CDH2: variants seen among roughly 807,000 people sequenced by gnomAD.
The protein encoded by CDH2 is cadherin 2, also known as cadherin-2.
CDH2 carries 17 observed loss-of-function variants against 92.0 expected under a neutral mutation model. The ratio of observed to expected loss-of-function variants is 0.18; its 90% confidence interval spans 0.13 to 0.28. CDH2 has a LOEUF of 0.28. Ranked by LOEUF, CDH2 falls within the 10% of genes least tolerant of loss-of-function variation. The pLI, the probability that CDH2 is intolerant of heterozygous loss-of-function variation, is 1.00. For synonymous variants in CDH2, 419 were observed against 415.9 expected (o/e 1.01, Z -0.09); for missense variants, 862 against 1,133.1 (o/e 0.76, Z 3.44).
chr18:28,026,069 T>G (rs2013545930), intron 2 of CDH2, among the ~76,000 whole-genome samples: 3 of 152,158 alleles, frequency 2.0e-5, no homozygotes, highest in Admixed American at 2.0e-4. Context: ...TATGAAAAGC[T>G]AGAAACCAGA....
chr18:28,074,139 C>A (rs2014673749), intron 2 of CDH2, among the ~76,000 whole-genome samples: 1 of 151,930 alleles, frequency 6.6e-6, no homozygotes, highest in African/African-American at 2.4e-5. Flanking sequence ...TTTACATGAA[C>A]AAAGAGGTAC....
intron 2 of CDH2, among the ~76,000 whole-genome samples, chr18:28,108,751 G>C (rs542036052): frequency 6.6e-6 from 1 of 150,908 alleles, no homozygotes; most frequent in South Asian, 2.1e-4. Flanking sequence ...TGTAAACTGT[G>C]CTTTGCAAAA....
chr18:28,173,451 T>A (rs905018391), intron 1 of CDH2, among the ~76,000 whole-genome samples: 1 of 152,174 alleles, frequency 6.6e-6, no homozygotes, highest in South Asian at 2.1e-4. Context: ...ATACTGAGAA[T>A]AAACACGATT....
chr18:27,992,584 A>G (rs2012451683), intron 9 of CDH2, 71 bp downstream of exon 9: 1 of 1,265,552 alleles, frequency 7.9e-7, no homozygotes, highest in African/African-American at 1.5e-5. Flanking sequence ...TTGCAAAACA[A>G]TGAGTGGGGG....
At chr18:28,172,076 GGTGTGTGTGTGT>G (rs34158369) in intron 1 of CDH2, among the ~76,000 whole-genome samples, 2 of 146,488 alleles carry the variant, frequency 1.4e-5, no homozygotes, top group Admixed American at 1.4e-4. Context: ...ATACATTTGG[GGTGTGTGTGTGT>G]GTGTGTGTGT....
chr18:28,177,100 G>A lies in CDH2; in HGVS notation c.-78C>T. On this transcript the variant is annotated 5_prime_UTR_variant, in exon 1 of 16. Coordinates refer to ENST00000269141, the MANE Select transcript of CDH2 (RefSeq NM_001792.5). ...CGGCGGCGGAGGAGGAGGAGGCAGC[G>A]GCAGCACCAACAGCGGCGCGGAGAA... 7.9e-6 allele frequency: 9 copies of A among 1,134,174 alleles called. No homozygotes were observed. In the South Asian group the frequency reaches 1.0e-4, roughly 13 times the overall value. The allele number at this position is 1,134,174 out of a possible 1,614,324, so 70.3% of individuals were successfully genotyped here. A position where few individuals can be genotyped will look rare whatever the true frequency, so the allele number is the denominator to read the frequency against.
chr18:27,990,863 T>C lies in CDH2; in HGVS notation c.1345-513A>G, dbSNP rs149981227. On this transcript the variant is annotated intron_variant, in intron 9 of 15. Coordinates refer to ENST00000269141, the MANE Select transcript of CDH2 (RefSeq NM_001792.5). The stretch of plus-strand genomic sequence containing the variant: ...TTGATTTAAAAGTACCTTTCATAAT[T>C]TGAAGTACACATTTTGCAGTACAAA... Among the ~76,000 whole-genome samples, 278 of 152,284 alleles carry C rather than the reference T, an allele frequency of 1.8e-3. 1 individual carries two copies. The highest frequency in any genetic ancestry group is 6.4e-3 in the African/African-American group (267 of 41,566).
At chr18:28,132,236 C>T (rs563808736) in intron 2 of CDH2, among the ~76,000 whole-genome samples, 3 of 152,320 alleles carry the variant, frequency 2.0e-5, no homozygotes, top group Admixed American at 6.5e-5. Context: ...ACTCACTGCA[C>T]GGAACAGAAA....
chr18:28,154,388 G>C (rs1014687001), intron 1 of CDH2, among the ~76,000 whole-genome samples: 4 of 152,216 alleles, frequency 2.6e-5, no homozygotes, highest in Non-Finnish European at 5.9e-5. Flanking sequence ...CTCATTTAGT[G>C]CCGCTCTGTG....
Position 28,098,258 on chromosome 18 carries a change from T to C in CDH2, c.172+49415A>G, listed in dbSNP as rs151291311. On this transcript the variant is annotated intron_variant, in intron 2 of 15. Coordinates refer to ENST00000269141, the MANE Select transcript of CDH2 (RefSeq NM_001792.5). ...GAAAAATAACTTAAAATATATCATT[T>C]AGGAAAAATGCATTAAAGAGGAAAC... Among the ~76,000 whole-genome samples the C allele has an allele frequency of 2.7e-3, 409 of 152,304 alleles. 3 individuals are homozygous for C. Among genetic ancestry groups the C allele is most frequent in the African/African-American group, 9.5e-3 (394 of 41,572 alleles).
intron 2 of CDH2, among the ~76,000 whole-genome samples, chr18:28,016,383 C>G (rs907039164): frequency 2.6e-5 from 4 of 152,118 alleles, no homozygotes; most frequent in Non-Finnish European, 5.9e-5. Flanking sequence ...AAGTAGGAAA[C>G]AGATGGGAAC....
chr18:28,108,008 CTG>C (rs2015350925), intron 2 of CDH2, among the ~76,000 whole-genome samples: 1 of 152,198 alleles, frequency 6.6e-6, no homozygotes, highest in Non-Finnish European at 1.5e-5. Context: ...ATCTTCCCCT[CTG>C]TTACAAATTA....
chr18:28,110,472 G>A (rs1347750647), intron 2 of CDH2, among the ~76,000 whole-genome samples: 3 of 152,094 alleles, frequency 2.0e-5, no homozygotes, highest in Admixed American at 6.6e-5. Flanking sequence ...AGTTGACTGC[G>A]GCCAAATGCA....
chr18:27,997,511 A>G lies in CDH2; in HGVS notation c.1021-3874T>C, dbSNP rs570766147. Among the ~76,000 whole-genome samples the G allele has an allele frequency of 5.9e-5, 9 of 152,330 alleles. No homozygotes were observed. In the South Asian group the frequency reaches 1.9e-3, roughly 32 times the overall value. ...GCATACCAACTATCAGGTTGGTGCA[A>G]AAGTAACTGCAGTTTTTGCCATTAC... On this transcript the variant is annotated intron_variant, in intron 7 of 15. Coordinates refer to ENST00000269141, the MANE Select transcript of CDH2 (RefSeq NM_001792.5).
intron 2 of CDH2, among the ~76,000 whole-genome samples, chr18:28,075,585 T>A (rs564955283): frequency 3.9e-5 from 6 of 152,274 alleles, no homozygotes; most frequent in African/African-American, 1.4e-4. Context: ...GTCATCTAAT[T>A]TTCCAAGCGA....
At chr18:27,990,416 C>T in intron 9 of CDH2, 66 bp from the exon 10 acceptor site, 1 of 1,435,636 alleles carries the variant, frequency 7.0e-7, no homozygotes, top group Non-Finnish European at 9.4e-7. Context: ...GTAGTTTATT[C>T]CTCTATCAAC....
chr18:27,940,258 G>A (rs1375242431), intron 6 of CDH2, among the ~76,000 whole-genome samples: 1 of 152,160 alleles, frequency 6.6e-6, no homozygotes, highest in African/African-American at 2.4e-5. Context: ...TAAATCAGAT[G>A]AGACCCCAAC....
Position 27,982,997 on chromosome 18 carries a change from C to A in CDH2, c.2296G>T (p.Val766Leu). 6.2e-7 allele frequency: 1 copy of A among 1,608,976 alleles called. No individual in the cohort carries two copies. ...TCATATTTTAAAATATTATCTCTTA[C>A]ATCATCTTCTGGATCAATTAAAAGT... The part of the protein sequence containing the change: ...KQLLIDPEDD[V>L]RDNILKYDEE... Residue 766 changes from valine (V) to leucine (L), a missense_variant, in exon 14 of 16, where the codon GTA (valine) becomes TTA (leucine). Coordinates refer to ENST00000269141, the MANE Select transcript of CDH2 (RefSeq NM_001792.5).
At chr18:28,064,172 C>T (rs1039207749) in intron 2 of CDH2, among the ~76,000 whole-genome samples, 12 of 152,018 alleles carry the variant, frequency 7.9e-5, no homozygotes, top group African/African-American at 4.8e-5. Context: ...AGATTTTTCT[C>T]TCTTCTGTCT....
Sources: gnomAD v4.1 joint callset for allele counts (sites outside exome capture counted in the v4.1 genomes callset) on GRCh38, gnomAD v4.1.1 for gene constraint, MANE v1.5 for transcripts, NCBI Gene and HGNC (gene_info 2026-07-23, HGNC 2026-07-21) for gene names.